Variants in ANKS1A observed in about 807,000 individuals in gnomAD.
ANKS1A encodes the protein ankyrin repeat and sterile alpha motif domain containing 1A.
ANKS1A carries 55 observed loss-of-function variants against 120.3 expected under a neutral mutation model. The ratio of observed to expected loss-of-function variants is 0.46; its 90% CI spans 0.37 to 0.57. The LOEUF is 0.57. Among genes scored for constraint, ANKS1A ranks in the 20% least tolerant of loss-of-function variants. The probability of loss-of-function intolerance (pLI) is 0.00; values close to 1 mark genes in which losing one functional copy is unlikely to be tolerated. For synonymous variants in ANKS1A, 590 were observed against 604.7 expected, an observed-to-expected ratio of 0.98 and a Z score of 0.36; for missense variants, 1,123 against 1,480.3, an observed-to-expected ratio of 0.76 and a Z score of 3.96.
intron 9 of ANKS1A, among the ~76,000 whole-genome samples, chr6:34,994,094 A>G (rs1414847439): frequency 6.6e-6 from 1 of 152,128 alleles, no homozygotes; most frequent in African/African-American, 2.4e-5. Flanking sequence ...AAAGGGGTGT[A>G]TTCTAATCAA....
chr6:34,933,280 T>C (rs1436320340), intron 1 of ANKS1A, among the ~76,000 whole-genome samples: 1 of 152,234 alleles, frequency 6.6e-6, no homozygotes. Context: ...GTGGACGAAA[T>C]GTCTTTGGCG....
chr6:35,076,045 G>T (rs1186967968), intron 13 of ANKS1A, among the ~76,000 whole-genome samples: 1 of 152,158 alleles, frequency 6.6e-6, no homozygotes, highest in Non-Finnish European at 1.5e-5. Context: ...GATTACAAGC[G>T]TAAGCCATTG....
chr6:35,007,533 G>A (rs1773527908), intron 10 of ANKS1A, among the ~76,000 whole-genome samples: 1 of 152,090 alleles, frequency 6.6e-6, no homozygotes, highest in African/African-American at 2.4e-5. Context: ...CTCTTTGCTC[G>A]CTGGATGTTC....
intron 10 of ANKS1A, among the ~76,000 whole-genome samples, chr6:35,007,867 G>T (rs905065774): frequency 6.6e-6 from 1 of 152,202 alleles, no homozygotes; most frequent in Non-Finnish European, 1.5e-5. Context: ...CTTCCAAAGG[G>T]GAGGAAACGG....
At position 35,076,684 on chromosome 6, in the gene ANKS1A, A is replaced by G. The variant is rs373813753; in HGVS notation, c.2185-1874A>G. Among the ~76,000 whole-genome samples the G allele has an allele frequency of 5.1e-3, 777 of 152,248 alleles. 6 individuals carry two copies. The highest frequency in any genetic ancestry group is 0.027 in the Middle Eastern group (8 of 294). On this transcript the variant is annotated intron_variant, in intron 13 of 23. Coordinates refer to ENST00000360359, the MANE Select transcript of ANKS1A (RefSeq NM_015245.3). ...TACCCTGTCGCCCAGGCTAGAGTGC[A>G]GTGGCGTGATCTCGGCTCACTGTAA...
rs1235827849 is a variant in ANKS1A, at chr6:35,050,398, C to G, written c.2011-3701C>G. On this transcript the variant is annotated intron_variant, in intron 11 of 23. Coordinates refer to ENST00000360359, the MANE Select transcript of ANKS1A (RefSeq NM_015245.3). The surrounding 1 kb of genome is among the most constrained non-coding windows in gnomAD (Gnocchi z 4.3). ...TTCTCATCTCTCTCCAAAAATGTCACTCATCCAAAACCACAGAAAAAGAGG... is the reference window on the plus strand; with the variant it reads ...TTCTCATCTCTCTCCAAAAATGTCAGTCATCCAAAACCACAGAAAAAGAGG... Among the ~76,000 whole-genome samples, 4 of 152,200 alleles carry G rather than the reference C, an allele frequency of 2.6e-5. No homozygotes were observed. Among genetic ancestry groups the G allele is most frequent in the African/African-American group, 7.2e-5 (3 of 41,442 alleles).
chr6:35,063,346 T>TA (rs944395707), intron 13 of ANKS1A, among the ~76,000 whole-genome samples: 1 of 152,246 alleles, frequency 6.6e-6, no homozygotes, highest in Non-Finnish European at 1.5e-5. Context: ...GGAAGGAAGG[T>TA]AATTGGTGGT....
Position 35,050,053 on chromosome 6 carries a change from C to T in ANKS1A, c.2011-4046C>T, listed in dbSNP as rs1485113838. Among the ~76,000 whole-genome samples the T allele has an allele frequency of 6.6e-6, 1 of 152,108 alleles. No individual in the cohort carries two copies. Among genetic ancestry groups the T allele is most frequent in the African/African-American group, 2.4e-5 (1 of 41,412 alleles). ...GAGACCTCTCCATACAGAGCTCCACCTCCCATCCCCACCCCGTGGGCAGCC... is the reference window on the plus strand; with the variant it reads ...GAGACCTCTCCATACAGAGCTCCACTTCCCATCCCCACCCCGTGGGCAGCC... On this transcript the variant is annotated intron_variant, in intron 11 of 23. Transcript: ENST00000360359. The surrounding 1 kb of genome is among the most constrained non-coding windows in gnomAD (Gnocchi z 4.3).
intron 11 of ANKS1A, among the ~76,000 whole-genome samples, chr6:35,038,674 C>T (rs1457250070): frequency 1.3e-5 from 2 of 151,996 alleles, no homozygotes; most frequent in Non-Finnish European, 2.9e-5. Flanking sequence ...TTTGTAGAGA[C>T]AGGGTCTCGC....
Position 34,985,163 on chromosome 6 carries a change from A to G in ANKS1A, c.1094A>G (p.Tyr365Cys), listed in dbSNP as rs149715871. The G allele has an allele frequency of 9.3e-6, 15 of 1,614,184 alleles. No homozygotes were observed. In the African/African-American group the frequency reaches 1.2e-4, roughly 13 times the overall value. ...GAAGAGGGTCCCTACGAAGCTCTGTATAATGCCATCTCCTGCCATTCGTTG... is the reference window on the plus strand; with the variant it reads ...GAAGAGGGTCCCTACGAAGCTCTGTGTAATGCCATCTCCTGCCATTCGTTG... ...AEEEGPYEALYNAISCHSLDS... is the reference protein window; with the variant it reads ...AEEEGPYEALCNAISCHSLDS... Residue 365 changes from tyrosine (Y) to cysteine (C), a missense_variant, in exon 8 of 24, where the codon TAT (tyrosine) becomes TGT (cysteine). Transcript: ENST00000360359.
intron 13 of ANKS1A, chr6:35,070,824 C>A (rs184464639): frequency 0.014 from 7,122 of 508,616 alleles, 76 homozygotes; most frequent in African/African-American, 0.046. Flanking sequence ...TTTCTTTTTT[C>A]TTTGTGTGTG....
At chr6:34,925,178 A>C (rs992550843) in intron 1 of ANKS1A, among the ~76,000 whole-genome samples, 2 of 152,138 alleles carry the variant, frequency 1.3e-5, no homozygotes, top group Non-Finnish European at 2.9e-5. Flanking sequence ...AGGTTTGACT[A>C]TCTTAGTAGG....
chr6:34,957,506 A>C (rs1449533493), intron 1 of ANKS1A, among the ~76,000 whole-genome samples: 2 of 152,238 alleles, frequency 1.3e-5, no homozygotes, highest in East Asian at 1.9e-4. Context: ...TTCAGAGATA[A>C]ATCTCACTTT....
intron 1 of ANKS1A, among the ~76,000 whole-genome samples, chr6:34,935,618 C>T (rs893530979): frequency 2.8e-5 from 4 of 145,084 alleles, no homozygotes; most frequent in Non-Finnish European, 4.5e-5. Flanking sequence ...GAAGGCATAA[C>T]ATAAATTAAT....
chr6:35,095,636 G>A (rs1392568014), downstream of ANKS1A, among the ~76,000 whole-genome samples: 3 of 129,194 alleles, frequency 2.3e-5, no homozygotes, highest in Non-Finnish European at 3.3e-5. Flanking sequence ...AAAAAAAACA[G>A]TCACTTTTGT....
chr6:34,967,243 T>C lies in ANKS1A; in HGVS notation c.202T>C (p.Trp68Arg), dbSNP rs1414133595. Residue 68 changes from tryptophan to arginine, a missense_variant, in exon 2 of 24, where the codon TGG becomes CGG. By Grantham distance (101) the Trp-to-Arg change is moderately radical. Around this residue, in one of 3 missense-constraint regions of ANKS1A, gnomAD observed 146 missense variants for 267.8 expected, o/e 0.55. Coordinates refer to ENST00000360359, the MANE Select transcript of ANKS1A (RefSeq NM_015245.3). ...TCTTTTTTTTTTCCCTGATAGCATG[T>C]GGAGAGGGCCAAATGTGAACTGTGT... is the stretch of plus-strand genomic sequence containing the variant. ...SHPLSSLLSMWRGPNVNCVDS... is the reference protein window; with the variant it reads ...SHPLSSLLSMRRGPNVNCVDS... The C allele has an allele frequency of 6.2e-7, 1 of 1,613,090 alleles. No individual in the cohort carries two copies. Among genetic ancestry groups the C allele is most frequent in the African/African-American group, 1.3e-5 (1 of 74,742 alleles).
rs568362173 is a variant in ANKS1A, at chr6:35,089,420, C to T, written c.*811C>T. 3,644 of 986,572 alleles carry T rather than the reference C, an allele frequency of 3.7e-3. 11 individuals carry two copies. Among genetic ancestry groups the T allele is most frequent in the Non-Finnish European group, 4.0e-3 (3,313 of 830,536 alleles). The allele number at this position is 986,572 out of a possible 1,614,324, so 61.1% of individuals were successfully genotyped here. A position where few individuals can be genotyped will look rare whatever the true frequency, so the allele number is the denominator to read the frequency against. ...GATCGGAGCACTGCCCTGGGCTGGC[C>T]GGCGCCGTACTGCCTGCGTTGTGTC... On this transcript the variant is annotated 3_prime_UTR_variant, in exon 24 of 24. Coordinates refer to ENST00000360359, the MANE Select transcript of ANKS1A (RefSeq NM_015245.3).
chr6:35,067,885 AATTTTTTT>A (rs1776858799), intron 13 of ANKS1A, among the ~76,000 whole-genome samples: 1 of 115,836 alleles, frequency 8.6e-6, no homozygotes. Flanking sequence ...CTTCATTTTC[AATTTTTTT>A]TTTTTTTTTT....
intron 1 of ANKS1A, among the ~76,000 whole-genome samples, chr6:34,927,444 A>T (rs139737627): frequency 6.6e-6 from 1 of 152,124 alleles, no homozygotes; most frequent in African/African-American, 2.4e-5. Flanking sequence ...ACTAAAGATT[A>T]GTTTTTATAC....
Sources: gnomAD v4.1 joint callset for allele counts (sites outside exome capture counted in the v4.1 genomes callset) on GRCh38, gnomAD v4.1.1 for gene constraint, gnomAD v4.1.1 regional missense constraint, Gnocchi (gnomAD v3.1) non-coding constraint, MANE v1.5 for transcripts, NCBI Gene and HGNC (gene_info 2026-07-23, HGNC 2026-07-21) for gene names.